The following BAG6 variants were observed in gnomAD, a reference collection of about 807,000 sequenced individuals.
BAG6 encodes BAG cochaperone 6.
In BAG6, 22 loss-of-function variants were observed where a neutral mutation model predicts 121.0. The ratio of observed to expected loss-of-function variants is 0.18; its 90% CI spans 0.13 to 0.26. The LOEUF is 0.26. Ranked by LOEUF, BAG6 falls within the 10% of genes least tolerant of loss-of-function variation. The pLI is 1.00. For missense variants in BAG6, 1,233 were observed against 1,537.7 expected (o/e 0.80, Z 3.31); for synonymous variants, 583 against 584.6 (o/e 1.00, Z 0.04).
At chr6:31,648,862 C>T in intron 5 of BAG6, 49 bp downstream of exon 5, 1 of 1,568,248 alleles carries the variant, frequency 6.4e-7, no homozygotes, top group Non-Finnish European at 8.7e-7. Context: ...CACCTCCCAG[C>T]CTCCTTCTCC....
At position 31,645,737 on chromosome 6, in the gene BAG6, T is replaced by C. The variant is rs961887101; in HGVS notation, c.919-133A>G. 11 of 1,051,020 alleles carry C rather than the reference T, an allele frequency of 1.0e-5. No individual in the cohort carries two copies. In the Admixed American group the frequency reaches 1.5e-4, roughly 14 times the overall value. The allele number at this position is 1,051,020 out of a possible 1,614,324, so 65.1% of individuals were successfully genotyped here. A position where few individuals can be genotyped will look rare whatever the true frequency, so the allele number is the denominator to read the frequency against. On this transcript the variant is annotated intron_variant, in intron 8 of 25. Coordinates refer to ENST00000676615, the MANE Select transcript of BAG6 (RefSeq NM_001387994.1). ...TCAGTTATATCCTTGGAAGTTTACA[T>C]GTAGACCAAATCTTTGCAAATAAAT... is the stretch of plus-strand genomic sequence containing the variant.
At chr6:31,639,819 C>T in intron 24 of BAG6, 173 bp from the exon 25 acceptor site, 1 of 858,124 alleles carries the variant, frequency 1.2e-6, no homozygotes, top group Non-Finnish European at 1.7e-6. Context: ...TCCTAATTCT[C>T]TTTGGCACTA....
At position 31,640,337 on chromosome 6, in the gene BAG6, C is replaced by G. The variant is rs1207870507; in HGVS notation, c.3139-31G>C. 6.2e-7 allele frequency: 1 copy of G among 1,614,166 alleles called. No individual in the cohort carries two copies. Among genetic ancestry groups the G allele is most frequent in the Non-Finnish European group, 8.5e-7 (1 of 1,180,014 alleles). ...GAGGAAAAGAGAAAATAGTAATGTC[C>G]TTGACTTTCAGCTGCCATGACCCAC... On this transcript the variant is annotated intron_variant, in intron 23 of 25. Coordinates refer to ENST00000676615, the MANE Select transcript of BAG6 (RefSeq NM_001387994.1). The surrounding 1 kb of genome is among the most constrained non-coding windows in gnomAD (Gnocchi z 4.2).
At chr6:31,647,943 T>C (rs1791692700) in intron 6 of BAG6, 117 bp from the exon 7 acceptor site, 3 of 1,326,652 alleles carry the variant, frequency 2.3e-6, no homozygotes, top group African/African-American at 1.5e-5. Context: ...GGCATGGCTC[T>C]GCAATTTTAT....
intron 8 of BAG6, among the ~76,000 whole-genome samples, chr6:31,645,865 G>C (rs1477092671): frequency 1.3e-5 from 2 of 152,196 alleles, no homozygotes; most frequent in Non-Finnish European, 2.9e-5. Context: ...AATTCATTCA[G>C]GGGCACAAGG....
chr6:31,648,376 TCCTCCACAAGTTGGTTTCCCAG>T (rs145743651), intron 6 of BAG6, among the ~76,000 whole-genome samples: 6,880 of 152,232 alleles, frequency 0.045, 305 homozygotes, highest in African/African-American at 0.1. Flanking sequence ...TGGTTTCCTT[TCCTCCACAAGTTGGTTTCCCAG>T]CCTCCACAAG....
At chr6:31,647,017 C>T (rs978616559) in intron 7 of BAG6, among the ~76,000 whole-genome samples, 14 of 152,126 alleles carry the variant, frequency 9.2e-5, no homozygotes, top group Non-Finnish European at 1.3e-4. Flanking sequence ...TCATGATCCA[C>T]CCGCCTCGGC....
At chr6:31,648,445 C>T (rs541228436) in intron 6 of BAG6, among the ~76,000 whole-genome samples, 7 of 152,228 alleles carry the variant, frequency 4.6e-5, no homozygotes, top group African/African-American at 1.7e-4. Flanking sequence ...AAAGAGATGC[C>T]ATGAGACTAA....
chr6:31,649,770 G>A (rs1427281303), intron 2 of BAG6, 143 bp from the exon 3 acceptor site: 2 of 719,756 alleles, frequency 2.8e-6, no homozygotes, highest in Non-Finnish European at 4.8e-6. Context: ...TCATTACTGT[G>A]CAAACCCTTA....
chr6:31,639,595 C>T lies in BAG6; in HGVS notation c.3298G>A (p.Ala1100Thr), dbSNP rs776604391. ...GGCCGAGCTCCGGCTGCCTTAGCTG[C>T]CCGGCTCACAGCCTCTGAGAGAAGC... The part of the protein sequence containing the change: ...QLLLSEAVSR[A>T]AKAAGARPLT... The change falls in exon 25 of 26, where the codon GCA becomes ACA. Residue 1100 changes from alanine (A) to threonine (T), a missense_variant. By Grantham distance (58) the Ala-to-Thr change is moderately conservative. Around this residue, in one of 7 missense-constraint regions of BAG6, gnomAD observed 102 missense variants for 103.2 expected, o/e 0.99. Coordinates refer to ENST00000676615, the MANE Select transcript of BAG6 (RefSeq NM_001387994.1). 2 of 1,614,024 alleles carry T rather than the reference C, an allele frequency of 1.2e-6. No individual in the cohort carries two copies. The highest frequency in any genetic ancestry group is 1.7e-6 in the Non-Finnish European group (2 of 1,179,942).
At chr6:31,649,032 T>G in intron 4 of BAG6, 68 bp from the exon 5 acceptor site, 1 of 1,495,766 alleles carries the variant, frequency 6.7e-7, no homozygotes, top group Non-Finnish European at 9.0e-7. Flanking sequence ...CTCCAATTCA[T>G]TCCCTGGAGC....
chr6:31,643,162 TGGCTGTAATCCTA>T, intron 14 of BAG6, 47 bp from the exon 15 acceptor site: 1 of 1,515,176 alleles, frequency 6.6e-7, no homozygotes, highest in Non-Finnish European at 8.8e-7. Context: ...TGGTGGCTCT[TGGCTGTAATCCTA>T]GCAACTTTGG....
chr6:31,652,063 G>A (rs973378871), intron 1 of BAG6: 5 of 334,730 alleles, frequency 1.5e-5, no homozygotes, highest in African/African-American at 1.0e-4. Context: ...CACGAGACCA[G>A]AGACTAGTGT....
chr6:31,640,375 T>C lies in BAG6; in HGVS notation c.3138+10A>G, dbSNP rs766155086. On this transcript the variant is annotated intron_variant, in intron 23 of 25. Coordinates refer to ENST00000676615, the MANE Select transcript of BAG6 (RefSeq NM_001387994.1). The surrounding 1 kb of genome is among the most constrained non-coding windows in gnomAD (Gnocchi z 4.2). Reference sequence around the variant, plus strand: ...TGCCATGACCCACTGGATTACTTCCTGACACTTACTGGGGGGACTGCAGCT... The same window carrying C: ...TGCCATGACCCACTGGATTACTTCCCGACACTTACTGGGGGGACTGCAGCT... The C allele has an allele frequency of 3.7e-6, 6 of 1,614,230 alleles. No homozygotes were observed. The highest frequency in any genetic ancestry group is 5.1e-6 in the Non-Finnish European group (6 of 1,180,034).
chr6:31,647,691 C>A lies in BAG6; in HGVS notation c.688G>T (p.Ala230Ser). The part of the protein sequence containing the change: ...SEAPPREPME[A>S]EEVEERAPAQ... ...GGGGCACGCTCCTCCACTTCTTCTG[C>A]CTCCATGGGCTCCCGGGGAGGTGCT... Residue 230 changes from alanine to serine, a missense_variant, in exon 7 of 26, where the codon GCA (alanine) becomes TCA (serine). Ala to Ser is a moderately conservative substitution (Grantham distance 99). Around this residue, in one of 7 missense-constraint regions of BAG6, gnomAD observed 777 missense variants for 861.4 expected, o/e 0.90. Transcript: ENST00000676615. 5 of 1,604,090 alleles carry A rather than the reference C, an allele frequency of 3.1e-6. No homozygotes were observed. Among genetic ancestry groups the A allele is most frequent in the Non-Finnish European group, 4.2e-6 (5 of 1,176,700 alleles).
chr6:31,651,803 C>T (rs2151071356), intron 1 of BAG6, 27 bp from the exon 2 acceptor site: 1 of 1,565,854 alleles, frequency 6.4e-7, no homozygotes, highest in Non-Finnish European at 8.8e-7. Context: ...GAAGGAAGGC[C>T]CGCTGTTGCC....
chr6:31,641,435 A>G lies in BAG6; in HGVS notation c.2560-13T>C, dbSNP rs1782606292. 3 of 1,614,020 alleles carry G rather than the reference A, an allele frequency of 1.9e-6. No individual in the cohort carries two copies. The African/African-American group carries it at 4.0e-5, about 22-fold the overall frequency. ...CCTGCACCAAGGACTGAGAGACAAG[A>G]TAACACAAAGATCCCAAAATCAAGA... On this transcript the variant is annotated splice_polypyrimidine_tract_variant and intron_variant, in intron 18 of 25. Coordinates refer to ENST00000676615, the MANE Select transcript of BAG6 (RefSeq NM_001387994.1). This position sits in a 1 kb window ranked among gnomAD's most constrained non-coding sequence, Gnocchi z 5.7.
At position 31,644,999 on chromosome 6, in the gene BAG6, C is replaced by T. The variant is rs773367157; in HGVS notation, c.1316G>A (p.Arg439Gln). The T allele has an allele frequency of 6.8e-6, 11 of 1,607,736 alleles. No individual in the cohort carries two copies. Among genetic ancestry groups the T allele is most frequent in the Non-Finnish European group, 8.5e-7 (1 of 1,177,174 alleles). The change falls in exon 10 of 26, where the codon CGG becomes CAG. Residue 439 changes from arginine (R) to glutamine (Q), a missense_variant. By Grantham distance (43) the Arg-to-Gln change is conservative (BLOSUM62 1). This residue lies in a region of BAG6 where 777 missense variants were observed against 861.4 expected (regional missense o/e 0.90). Transcript: ENST00000676615. The surrounding 1 kb of genome is among the most constrained non-coding windows in gnomAD (Gnocchi z 4.9). ...GGGTTCCACACTCTGGTGGGAAATC[C>T]GGATGACCCTCGGGTGGCTGGTGGC... is the stretch of plus-strand genomic sequence containing the variant. The part of the protein sequence containing the change: ...PPATSHPRVI[R>Q]ISHQSVEPVV...
intron 2 of BAG6, among the ~76,000 whole-genome samples, chr6:31,650,008 A>C (rs1423643244): frequency 1.3e-5 from 2 of 152,066 alleles, no homozygotes; most frequent in Non-Finnish European, 2.9e-5. Flanking sequence ...GGCTGAAGCA[A>C]GAGAATCACT....
Sources: allele counts gnomAD v4.1 joint callset (sites outside exome capture counted in the v4.1 genomes callset), GRCh38; gene constraint gnomAD v4.1.1; regional missense constraint gnomAD v4.1.1; non-coding constraint Gnocchi (gnomAD v3.1); transcripts MANE v1.5; gene names NCBI Gene and HGNC (gene_info 2026-07-23, HGNC 2026-07-21).